LRP1: variants seen among roughly 807,000 people sequenced by gnomAD.
LRP1 encodes the protein LDL receptor related protein 1.
LRP1 carries 51 observed loss-of-function variants against 541.5 expected under a neutral mutation model. That is an observed-to-expected ratio of 0.09 (90% CI 0.08 to 0.12). The LOEUF (loss-of-function observed/expected upper bound fraction) is 0.12, where lower values mean the gene tolerates loss of function less well. Among genes scored for constraint, LRP1 ranks in the 10% least tolerant of loss-of-function variants. The probability of loss-of-function intolerance (pLI) is 1.00; values close to 1 mark genes in which losing one functional copy is unlikely to be tolerated. For missense variants in LRP1, 3,878 were observed against 6,376.2 expected (o/e 0.61, Z 13.34); for synonymous variants, 2,219 against 2,470.8 (o/e 0.90, Z 3.02).
chr12:57,146,765 G>A (rs996874550), intron 6 of LRP1: 3 of 152,554 alleles, frequency 2.0e-5, no homozygotes, highest in African/African-American at 7.2e-5. Flanking sequence ...CTGAGCTGGG[G>A]GCTGTCAAGC....
Position 57,173,588 on chromosome 12 carries a change from A to T in LRP1, c.3347-192A>T, listed in dbSNP as rs922475093. On this transcript the variant is annotated intron_variant, in intron 21 of 88. Coordinates refer to ENST00000243077, the MANE Select transcript of LRP1 (RefSeq NM_002332.3). The surrounding 1 kb of genome is among the most constrained non-coding windows in gnomAD (Gnocchi z 4.7). The stretch of plus-strand genomic sequence containing the variant: ...CAAAACCCTACCAGAGTTGAGCTTC[A>T]GCACCTCCTGCTGCAGATTCCTGCC... Among the ~76,000 whole-genome samples, 2 of 152,208 alleles carry T rather than the reference A, an allele frequency of 1.3e-5. No individual in the cohort carries two copies. Among genetic ancestry groups the T allele is most frequent in the African/African-American group, 4.8e-5 (2 of 41,454 alleles).
In LRP1 at chr12:57,190,849, T is replaced by C. The variant is rs372880658; in HGVS notation, c.7076T>C (p.Met2359Thr). The change falls in exon 43 of 89, where the codon ATG becomes ACG. Residue 2359 changes from methionine to threonine, a missense_variant. This residue lies in a region of LRP1 where 1,100 missense variants were observed against 1,827.4 expected (regional missense o/e 0.60). Coordinates refer to ENST00000243077, the MANE Select transcript of LRP1 (RefSeq NM_002332.3). The part of the protein sequence containing the change: ...TNWNEQHPSI[M>T]RAALSGANVL... ...TGGAATGAGCAGCATCCCAGCATCA[T>C]GCGGGCGGCGCTCTCGGGAGCCAAT... The C allele has an allele frequency of 3.7e-6, 6 of 1,613,858 alleles. No homozygotes were observed. The African/African-American group carries it at 8.0e-5, about 22-fold the overall frequency.
rs6581126 is a variant in LRP1, at chr12:57,185,394, A to T, written c.6464-137A>T. On this transcript the variant is annotated intron_variant, in intron 40 of 88. Coordinates refer to ENST00000243077, the MANE Select transcript of LRP1 (RefSeq NM_002332.3). The surrounding 1 kb of genome is among the most constrained non-coding windows in gnomAD (Gnocchi z 4.9). Reference sequence around the variant, plus strand: ...GCTCTGGGACAGATCTTGGCATTGGACTCTGGGCCCTGGAGGGTCATTCAA... The same window carrying T: ...GCTCTGGGACAGATCTTGGCATTGGTCTCTGGGCCCTGGAGGGTCATTCAA... The T allele has an allele frequency of 8.3e-6, 11 of 1,325,516 alleles. No homozygotes were observed. Among genetic ancestry groups the T allele is most frequent in the Admixed American group, 5.1e-5 (2 of 39,272 alleles). 82.1% of individuals were successfully genotyped at this position (1,325,516 alleles called of 1,614,324 possible). A position where few individuals can be genotyped will look rare whatever the true frequency, so the allele number is the denominator to read the frequency against.
At chr12:57,195,208 C>T in intron 51 of LRP1, 63 bp from the exon 52 acceptor site, 1 of 1,598,348 alleles carries the variant, frequency 6.3e-7, no homozygotes, top group Non-Finnish European at 8.6e-7. Context: ...GAACCATCAC[C>T]TCCACTGCTA....
chr12:57,174,723 C>G (rs1020632736), intron 22 of LRP1, among the ~76,000 whole-genome samples: 1 of 152,198 alleles, frequency 6.6e-6, no homozygotes, highest in Non-Finnish European at 1.5e-5. Context: ...CAACATCCTG[C>G]CACTGCACTC....
chr12:57,210,212 TCTC>T, intron 81 of LRP1, 43 bp downstream of exon 81: 2 of 1,555,504 alleles, frequency 1.3e-6, no homozygotes, highest in South Asian at 2.4e-5. Context: ...CTCAGGACCA[TCTC>T]CTTCCTGTGG....
chr12:57,157,734 C>T (rs2035648892), intron 10 of LRP1, among the ~76,000 whole-genome samples: 1 of 152,270 alleles, frequency 6.6e-6, no homozygotes, highest in Non-Finnish European at 1.5e-5. Context: ...AACCATGTAA[C>T]TCCCTGAGGG....
chr12:57,169,694 A>C (rs1046073400), intron 20 of LRP1, among the ~76,000 whole-genome samples: 1 of 152,238 alleles, frequency 6.6e-6, no homozygotes, highest in Admixed American at 6.5e-5. Context: ...TCACGCACGA[A>C]AAGTGCTCAG....
rs2035219058 is a variant in LRP1 at position 57,138,473 on chromosome 12, A to G, written c.82A>G (p.Ser28Gly). Reference protein sequence around the residue: ...AAAIDAPKTCSPKQFACRDQI... With the variant: ...AAAIDAPKTCGPKQFACRDQI... ...CCTTGCCCTAGCCCCTAAGACTTGCAGCCCCAAGCAGTTTGCCTGCAGAGA... is the reference window on the plus strand; with the variant it reads ...CCTTGCCCTAGCCCCTAAGACTTGCGGCCCCAAGCAGTTTGCCTGCAGAGA... Residue 28 changes from serine to glycine, a missense_variant, in exon 2 of 89, where the codon AGC becomes GGC. Physicochemically the swap from Ser to Gly is moderately conservative, Grantham distance 56. Coordinates refer to ENST00000243077, the MANE Select transcript of LRP1 (RefSeq NM_002332.3). 2 of 1,613,834 alleles carry G rather than the reference A, an allele frequency of 1.2e-6. No homozygotes were observed. Among genetic ancestry groups the G allele is most frequent in the African/African-American group, 2.7e-5 (2 of 74,900 alleles).
chr12:57,135,927 C>A (rs1410480590), intron 1 of LRP1, among the ~76,000 whole-genome samples: 1 of 152,126 alleles, frequency 6.6e-6, no homozygotes, highest in Non-Finnish European at 1.5e-5. Flanking sequence ...CCGGTGACCT[C>A]AGGCCGTGGC....
rs2136744204 is a variant in LRP1, at chr12:57,202,884, T to G, written c.10712-297T>G. ...TTGACCTCTCCCCAAACCCTGGTGCTTGTCTCAGTGGTCTTGCCCCCGCTC... is the reference window on the plus strand; with the variant it reads ...TTGACCTCTCCCCAAACCCTGGTGCGTGTCTCAGTGGTCTTGCCCCCGCTC... On this transcript the variant is annotated intron_variant, in intron 68 of 88. Coordinates refer to ENST00000243077, the MANE Select transcript of LRP1 (RefSeq NM_002332.3). 7 of 562,982 alleles carry G rather than the reference T, an allele frequency of 1.2e-5. No homozygotes were observed. In the South Asian group the frequency reaches 1.6e-4, roughly 13 times the overall value. The allele number at this position is 562,982 out of a possible 1,614,324, so 34.9% of individuals were successfully genotyped here.
At chr12:57,202,377 G>T (rs1230325502) in intron 67 of LRP1, 44 bp from the exon 68 acceptor site, 2 of 1,437,786 alleles carry the variant, frequency 1.4e-6, no homozygotes, top group African/African-American at 1.4e-5. Context: ...CCTAATGTCT[G>T]CCCCAGCCCT....
chr12:57,166,275 C>A, intron 17 of LRP1, 66 bp downstream of exon 17: 1 of 1,521,674 alleles, frequency 6.6e-7, no homozygotes, highest in East Asian at 2.5e-5. Flanking sequence ...GACGAGGGGG[C>A]CAGGTTCAGT....
chr12:57,211,832 G>C lies in LRP1; in HGVS notation c.13258+18G>C, dbSNP rs1246880428. ...GCCAGGACGTAGGTGGCAGGGGTTGGGGCAGGCAGGGCCACCGGGACCTAG... is the reference window on the plus strand; with the variant it reads ...GCCAGGACGTAGGTGGCAGGGGTTGCGGCAGGCAGGGCCACCGGGACCTAG... On this transcript the variant is annotated intron_variant, in intron 86 of 88. Transcript: ENST00000243077. The surrounding 1 kb of genome is among the most constrained non-coding windows in gnomAD (Gnocchi z 4.3). 1 of 1,612,814 alleles carries C rather than the reference G, an allele frequency of 6.2e-7. No homozygotes were observed. The highest frequency in any genetic ancestry group is 8.5e-7 in the Non-Finnish European group (1 of 1,179,992).
chr12:57,178,672 T>G lies in LRP1; in HGVS notation c.4606+69T>G. On this transcript the variant is annotated intron_variant, in intron 27 of 88. Transcript: ENST00000243077. This position sits in a 1 kb window ranked among gnomAD's most constrained non-coding sequence, Gnocchi z 5.8. ...CCTCTTTAGAAGCTGTAGAAGCTCT[T>G]AGGAGAGGAGAGGGCAGTGAGAACA... The G allele has an allele frequency of 6.2e-7, 1 of 1,602,498 alleles. No individual in the cohort carries two copies. The highest frequency in any genetic ancestry group is 1.1e-5 in the South Asian group (1 of 89,600).
Position 57,184,968 on chromosome 12 carries a change from G to A in LRP1, c.6316G>A (p.Asp2106Asn), listed in dbSNP as rs753343647. 3 of 1,614,142 alleles carry A rather than the reference G, an allele frequency of 1.9e-6. No homozygotes were observed. The highest frequency in any genetic ancestry group is 1.1e-5 in the South Asian group (1 of 91,072). ...MDMFSVSVFE[D>N]FIYWSDRTHA... ...CATGTTTTCAGTGTCTGTGTTTGAG[G>A]ATTTCATCTACTGGAGTGACAGGTG... The change falls in exon 39 of 89, where the codon GAT (aspartate) becomes AAT (asparagine). Residue 2106 changes from aspartate (D) to asparagine (N), a missense_variant. This residue lies in a region of LRP1 where 1,100 missense variants were observed against 1,827.4 expected (regional missense o/e 0.60). Transcript: ENST00000243077. This position sits in a 1 kb window ranked among gnomAD's most constrained non-coding sequence, Gnocchi z 7.8.
At chr12:57,147,188 G>A (rs190854899) in intron 6 of LRP1, among the ~76,000 whole-genome samples, 84 of 151,948 alleles carry the variant, frequency 5.5e-4, no homozygotes, top group Non-Finnish European at 2.9e-4. Context: ...AAATGAGTGG[G>A]TTTCTCTCAT....
intron 20 of LRP1, 35 bp downstream of exon 20, chr12:57,169,342 T>C: frequency 6.4e-7 from 1 of 1,562,350 alleles, no homozygotes; most frequent in Non-Finnish European, 8.7e-7. Flanking sequence ...GGGGATGAGA[T>C]CGAGCCCCCT....
At position 57,184,695 on chromosome 12, in the gene LRP1, C is replaced by T; in HGVS notation, c.6187-144C>T. On this transcript the variant is annotated intron_variant, in intron 38 of 88. Transcript: ENST00000243077. The surrounding 1 kb of genome is among the most constrained non-coding windows in gnomAD (Gnocchi z 7.8). ...GTCACCTTATCAGCAGGGCAGTGGG[C>T]AGGAGTGTATGCAGGAGGCAGGAGT... is the stretch of plus-strand genomic sequence containing the variant. 1.0e-6 allele frequency: 1 copy of T among 994,820 alleles called. No individual in the cohort carries two copies. 61.6% of individuals were successfully genotyped at this position (994,820 alleles called of 1,614,324 possible).
Sources: gnomAD v4.1 joint callset for allele counts (sites outside exome capture counted in the v4.1 genomes callset) on GRCh38, gnomAD v4.1.1 for gene constraint, gnomAD v4.1.1 regional missense constraint, Gnocchi (gnomAD v3.1) non-coding constraint, MANE v1.5 for transcripts, NCBI Gene and HGNC (gene_info 2026-07-23, HGNC 2026-07-21) for gene names.